The following ITSN1 variants were observed in gnomAD, a reference collection of about 807,000 sequenced individuals.
ITSN1 encodes intersectin 1.
Under a neutral mutation model 239.8 loss-of-function variants are expected in ITSN1, and 58 were observed. That is an observed-to-expected ratio of 0.24 (90% CI 0.20 to 0.30). The LOEUF (loss-of-function observed/expected upper bound fraction) is 0.30. ITSN1 is among the 10% of genes least tolerant of loss of function. ITSN1 has a pLI of 1.00. For missense variants in ITSN1, 1,558 were observed against 2,103.3 expected (o/e 0.74, Z 5.07); for synonymous variants, 780 against 770.8 (o/e 1.01, Z -0.20).
At chr21:33,830,882 A>G (rs888044073) in intron 27 of ITSN1, among the ~76,000 whole-genome samples, 1 of 119,532 alleles carries the variant, frequency 8.4e-6, no homozygotes, top group Non-Finnish European at 1.7e-5. Flanking sequence ...CAAAAAAAGA[A>G]CTTGCAGAGA....
chr21:33,789,045 G>A (rs1049063983), intron 16 of ITSN1, among the ~76,000 whole-genome samples: 1 of 152,076 alleles, frequency 6.6e-6, no homozygotes, highest in African/African-American at 2.4e-5. Context: ...TTCTGAAATC[G>A]TTATTTTTCA....
chr21:33,714,741 G>GATTT (rs1269624932), intron 1 of ITSN1, among the ~76,000 whole-genome samples: 1 of 152,032 alleles, frequency 6.6e-6, no homozygotes, highest in African/African-American at 2.4e-5. Context: ...TAATTTTTGA[G>GATTT]ATTTATAGGA....
At chr21:33,810,773 A>G (rs191177957) in intron 20 of ITSN1, 2 of 729,588 alleles carry the variant, frequency 2.7e-6, no homozygotes, top group East Asian at 2.6e-5. Flanking sequence ...AGTGCAGAGA[A>G]TAAGAGCTTG....
intron 1 of ITSN1, among the ~76,000 whole-genome samples, chr21:33,657,169 C>T (rs974461602): frequency 2.0e-5 from 3 of 152,178 alleles, no homozygotes; most frequent in African/African-American, 4.8e-5. Context: ...AGGTTTTCAA[C>T]CCCTGCCCCC....
rs184368547 is a variant in ITSN1 at position 33,709,561 on chromosome 21, C to T, written c.-32-9236C>T. On this transcript the variant is annotated intron_variant, in intron 1 of 39. Coordinates refer to ENST00000381318, the MANE Select transcript of ITSN1 (RefSeq NM_003024.3). ...CTTCCCAAAGTGCTGAGGTTACAGG[C>T]GTGAGGCACCGCGCCCAGCCTGTCT... Among the ~76,000 whole-genome samples the T allele has an allele frequency of 6.8e-4, 104 of 152,270 alleles. 1 individual carries two copies. The highest frequency in any genetic ancestry group is 2.3e-3 in the African/African-American group (95 of 41,566).
rs559408303 is a variant in ITSN1 at position 33,897,273 on chromosome 21, C to T, written c.*8973C>T. The T allele has an allele frequency of 6.6e-6, 1 of 152,478 alleles. No individual in the cohort carries two copies. Among genetic ancestry groups the T allele is most frequent in the Admixed American group, 6.5e-5 (1 of 15,302 alleles). The allele number at this position is 152,478 out of a possible 1,614,324, so 9.4% of individuals were successfully genotyped here. On this transcript the variant is annotated 3_prime_UTR_variant, in exon 40 of 40. Transcript: ENST00000381318. ...CTGCTGTAGCCCCGCAAGCCGGAGTCTGTGCCCTCCATGACCCTTCTTATC... is the reference window on the plus strand; with the variant it reads ...CTGCTGTAGCCCCGCAAGCCGGAGTTTGTGCCCTCCATGACCCTTCTTATC...
intron 35 of ITSN1, 140 bp from the exon 36 acceptor site, chr21:33,883,410 C>A: frequency 8.9e-7 from 1 of 1,119,958 alleles, no homozygotes; most frequent in Non-Finnish European, 1.3e-6. Context: ...CTGAAACACA[C>A]GCACGAGTGT....
intron 31 of ITSN1, among the ~76,000 whole-genome samples, chr21:33,862,066 G>A (rs1318591826): frequency 6.8e-6 from 1 of 147,444 alleles, no homozygotes; most frequent in Non-Finnish European, 1.5e-5. Flanking sequence ...AGGAGTCTGA[G>A]GCAGAAGAAT....
At position 33,782,153 on chromosome 21, in the gene ITSN1, C is replaced by T; in HGVS notation, c.1824+20C>T. 6.2e-7 allele frequency: 1 copy of T among 1,609,786 alleles called. No individual in the cohort carries two copies. Among genetic ancestry groups the T allele is most frequent in the Non-Finnish European group, 8.5e-7 (1 of 1,177,658 alleles). ...CTGAAGGTAACTCTTCTATGTGTGC[C>T]TGCATGTGTGTCCTACCTTTAATTT... On this transcript the variant is annotated intron_variant, in intron 16 of 39. Transcript: ENST00000381318.
intron 1 of ITSN1, among the ~76,000 whole-genome samples, chr21:33,696,302 G>T (rs941364257): frequency 6.6e-6 from 1 of 152,092 alleles, no homozygotes; most frequent in Non-Finnish European, 1.5e-5. Flanking sequence ...TGTGCAGATT[G>T]CCTTTATCTC....
At chr21:33,844,346 T>A (rs1174407757) in intron 29 of ITSN1, among the ~76,000 whole-genome samples, 3 of 152,216 alleles carry the variant, frequency 2.0e-5, no homozygotes, top group African/African-American at 7.2e-5. Flanking sequence ...GCAGGGCTTT[T>A]AAATGTCACG....
At chr21:33,826,963 G>C (rs776202403) in intron 26 of ITSN1, 100 bp downstream of exon 26, 2 of 968,754 alleles carry the variant, frequency 2.1e-6, no homozygotes. Flanking sequence ...AAAATAAAAA[G>C]AATCTTTCCT....
chr21:33,654,156 C>T (rs1287474280), intron 1 of ITSN1, among the ~76,000 whole-genome samples: 1 of 152,066 alleles, frequency 6.6e-6, no homozygotes, highest in African/African-American at 2.4e-5. Context: ...AAGGAATCCT[C>T]CCACCTCAGC....
chr21:33,852,838 A>G (rs1380741400), intron 29 of ITSN1, among the ~76,000 whole-genome samples: 1 of 152,222 alleles, frequency 6.6e-6, no homozygotes, highest in Non-Finnish European at 1.5e-5. Context: ...AAAGGGGGCC[A>G]GAAACCATGT....
At chr21:33,813,129 C>T (rs1475897388) in intron 21 of ITSN1, among the ~76,000 whole-genome samples, 1 of 152,010 alleles carries the variant, frequency 6.6e-6, no homozygotes, top group African/African-American at 2.4e-5. Context: ...CAGTATTGTT[C>T]CCATTTTATC....
chr21:33,799,852 G>T lies in ITSN1; in HGVS notation c.2227G>T (p.Val743Leu), dbSNP rs755276554. ...TISAQENVKV[V>L]YYRALYPFES... ...TTCTGCACAGGAAAATGTAAAAGTG[G>T]TGTATTACCGGGCACTGTACCCCTT... The change falls in exon 19 of 40, where the codon GTG (valine) becomes TTG (leucine). Residue 743 changes from valine (V) to leucine (L), a missense_variant. Physicochemically the swap from Val to Leu is conservative, Grantham distance 32. Around this residue, in one of 2 missense-constraint regions of ITSN1, gnomAD observed 982 missense variants for 1,209.9 expected, o/e 0.81. Coordinates refer to ENST00000381318, the MANE Select transcript of ITSN1 (RefSeq NM_003024.3). The T allele has an allele frequency of 1.2e-6, 2 of 1,613,930 alleles. No individual in the cohort carries two copies. The highest frequency in any genetic ancestry group is 1.1e-5 in the South Asian group (1 of 91,054).
At chr21:33,750,373 C>G (rs776804957) in intron 6 of ITSN1, 51 bp downstream of exon 6, 1 of 1,499,644 alleles carries the variant, frequency 6.7e-7, no homozygotes, top group Non-Finnish European at 9.2e-7. Context: ...TTGTATTTTG[C>G]TGTTCATTAT....
chr21:33,716,250 A>G (rs1452277338), intron 1 of ITSN1, among the ~76,000 whole-genome samples: 4 of 152,126 alleles, frequency 2.6e-5, no homozygotes, highest in Non-Finnish European at 2.9e-5. Flanking sequence ...TTCCTCTCCT[A>G]CACTCCAGCA....
chr21:33,684,115 G>T (rs1002493541), intron 1 of ITSN1, among the ~76,000 whole-genome samples: 1 of 152,070 alleles, frequency 6.6e-6, no homozygotes. Context: ...AAAGCATTTC[G>T]GTTAATTCTG....
Sources: allele counts gnomAD v4.1 joint callset (sites outside exome capture counted in the v4.1 genomes callset), GRCh38; gene constraint gnomAD v4.1.1; regional missense constraint gnomAD v4.1.1; transcripts MANE v1.5; gene names NCBI Gene and HGNC (gene_info 2026-07-23, HGNC 2026-07-21).